The following PIK3R6 variants were observed in gnomAD, a reference collection of about 807,000 sequenced individuals.
The protein encoded by PIK3R6 is phosphoinositide 3-kinase regulatory subunit 6.
PIK3R6 carries 91 observed loss-of-function variants against 84.9 expected under a neutral mutation model. The ratio of observed to expected loss-of-function variants is 1.07; its 90% CI spans 0.90 to 1.28. The LOEUF is 1.28. Ranked by LOEUF, PIK3R6 falls within the 50% of genes most tolerant of loss-of-function variation. The pLI is 0.00. For synonymous variants in PIK3R6, 416 were observed against 411.4 expected (o/e 1.01, Z -0.13); for missense variants, 996 against 985.1 (o/e 1.01, Z -0.15).
chr17:8,826,231 TTTAGAACA>T (rs1457581101), intron 13 of PIK3R6, among the ~76,000 whole-genome samples: 1 of 152,214 alleles, frequency 6.6e-6, no homozygotes. Flanking sequence ...TGTGTAAGTG[TTTAGAACA>T]GTGCCCAGTG....
At chr17:8,849,729 CT>C in intron 2 of PIK3R6, 52 bp downstream of exon 2, 1 of 1,571,456 alleles carries the variant, frequency 6.4e-7, no homozygotes, top group Non-Finnish European at 8.6e-7. Context: ...TGAGAAGGGC[CT>C]TCCCCACTCG....
At chr17:8,831,427 T>A (rs2088238705) in intron 9 of PIK3R6, among the ~76,000 whole-genome samples, 1 of 150,426 alleles carries the variant, frequency 6.6e-6, no homozygotes. Flanking sequence ...TGGTCTTAAT[T>A]AATCCATGCA....
intron 7 of PIK3R6, 62 bp from the exon 8 acceptor site, chr17:8,835,518 G>A (rs1019953591): frequency 2.0e-5 from 28 of 1,395,226 alleles, no homozygotes; most frequent in Middle Eastern, 1.9e-4. Context: ...AGGGGCCACC[G>A]GATGGGCACC....
At position 8,804,690 on chromosome 17, in the gene PIK3R6, G is replaced by A. The variant is rs186818359; in HGVS notation, c.1996-537C>T. 1.5e-3 allele frequency among the ~76,000 whole-genome samples: 235 copies of A among 152,316 alleles called. 2 individuals carry two copies. Among genetic ancestry groups the A allele is most frequent in the Admixed American group, 3.3e-3 (51 of 15,304 alleles). ...CATCCTTATAACTCCTGACCTGAGG[G>A]AGCAGCTCCAGAGAGGTCGCCTCCC... is the stretch of plus-strand genomic sequence containing the variant. On this transcript the variant is annotated intron_variant, in intron 18 of 19. Transcript: ENST00000619866.
At position 8,828,918 on chromosome 17, in the gene PIK3R6, A is replaced by G. The variant is rs200028186; in HGVS notation, c.962T>C (p.Leu321Pro). 362 of 1,538,256 alleles carry G rather than the reference A, an allele frequency of 2.4e-4. No homozygotes were observed. The highest frequency in any genetic ancestry group is 3.0e-4 in the Non-Finnish European group (338 of 1,143,640). Residue 321 changes from leucine to proline, a missense_variant, in exon 11 of 20, where the codon CTG (leucine) becomes CCG (proline). Coordinates refer to ENST00000619866, the MANE Select transcript of PIK3R6 (RefSeq NM_001010855.4). ...CTCCCGGTCCGGCCGGAGGCCCTGCAGATCCAAGACCTCCAAGTCAGCACT... is the reference window on the plus strand; with the variant it reads ...CTCCCGGTCCGGCCGGAGGCCCTGCGGATCCAAGACCTCCAAGTCAGCACT... ...RLSADLEVLD[L>P]QGLRPDRELA...
intron 18 of PIK3R6, among the ~76,000 whole-genome samples, chr17:8,813,022 G>A (rs1479105191): frequency 6.6e-6 from 1 of 152,076 alleles, no homozygotes; most frequent in Non-Finnish European, 1.5e-5. Flanking sequence ...AAAAAAGAGA[G>A]AAGAATCAAA....
At chr17:8,825,497 G>A (rs1237752252) in intron 13 of PIK3R6, among the ~76,000 whole-genome samples, 1 of 152,186 alleles carries the variant, frequency 6.6e-6, no homozygotes, top group Non-Finnish European at 1.5e-5. Context: ...ACAAGCACAT[G>A]TAAGGATCAC....
At chr17:8,805,550 A>G (rs2087178779) in intron 18 of PIK3R6, among the ~76,000 whole-genome samples, 2 of 152,200 alleles carry the variant, frequency 1.3e-5, no homozygotes, top group Non-Finnish European at 2.9e-5. Flanking sequence ...AAACCTCTGT[A>G]AGACGGGGCA....
intron 1 of PIK3R6, among the ~76,000 whole-genome samples, chr17:8,865,412 G>A (rs1171879647): frequency 6.6e-6 from 1 of 152,152 alleles, no homozygotes; most frequent in Non-Finnish European, 1.5e-5. Flanking sequence ...ATAAAGCCCT[G>A]GCAGAAAAGA....
intron 13 of PIK3R6, among the ~76,000 whole-genome samples, chr17:8,824,970 A>G (rs35077157): frequency 0.09 from 13,709 of 152,288 alleles, 704 homozygotes; most frequent in Middle Eastern, 0.15. Context: ...TGGTAAATTA[A>G]TGTTATATTT....
At chr17:8,835,656 C>G (rs1163212298) in intron 7 of PIK3R6, among the ~76,000 whole-genome samples, 200 bp from the exon 8 acceptor site, 1 of 152,094 alleles carries the variant, frequency 6.6e-6, no homozygotes, top group Non-Finnish European at 1.5e-5. Context: ...CATGCACAGC[C>G]CTTCTAGAGG....
Position 8,839,980 on chromosome 17 carries a change from C to A in PIK3R6, c.14-283G>T, listed in dbSNP as rs905782713. Among the ~76,000 whole-genome samples the A allele has an allele frequency of 2.6e-5, 4 of 151,976 alleles. No homozygotes were observed. Among genetic ancestry groups the A allele is most frequent in the Non-Finnish European group, 5.9e-5 (4 of 68,028 alleles). On this transcript the variant is annotated intron_variant, in intron 2 of 19. Coordinates refer to ENST00000619866, the MANE Select transcript of PIK3R6 (RefSeq NM_001010855.4). The surrounding 1 kb of genome is among the most constrained non-coding windows in gnomAD (Gnocchi z 4.2). ...GGTGGTACACAAACGACCTTAAAAT[C>A]TGAATAGTTATGCATTTATTTTAAT...
At chr17:8,836,113 G>A (rs1282263232) in intron 7 of PIK3R6, among the ~76,000 whole-genome samples, 1 of 152,182 alleles carries the variant, frequency 6.6e-6, no homozygotes, top group African/African-American at 2.4e-5. Context: ...TAAGAGGCTT[G>A]GCGTCCCCCA....
intron 18 of PIK3R6, among the ~76,000 whole-genome samples, chr17:8,812,832 T>C (rs195775): frequency 0.1 from 15,264 of 152,112 alleles, 1,105 homozygotes; most frequent in Non-Finnish European, 0.16. Context: ...TAATGTTGCA[T>C]GTCAAGGAAC....
chr17:8,829,468 T>C (rs1206944894), intron 10 of PIK3R6, among the ~76,000 whole-genome samples: 2 of 117,528 alleles, frequency 1.7e-5, no homozygotes, highest in East Asian at 4.9e-4. Flanking sequence ...ACACATACAC[T>C]GACACACACT....
chr17:8,823,479 A>G lies in PIK3R6; in HGVS notation c.1534T>C (p.Ser512Pro). ...LAEMPPSLDTSRTVDPFILDV... is the reference protein window; with the variant it reads ...LAEMPPSLDTPRTVDPFILDV... ...AGGATGAAGGGGTCCACAGTCCGGG[A>G]TGTGTCCAGGGAAGGAGGCTGTGAT... The change falls in exon 14 of 20, where the codon TCC becomes CCC. Residue 512 changes from serine to proline, a missense_variant. By Grantham distance (74) the Ser-to-Pro change is moderately conservative. Coordinates refer to ENST00000619866, the MANE Select transcript of PIK3R6 (RefSeq NM_001010855.4). The G allele has an allele frequency of 6.2e-7, 1 of 1,611,820 alleles. No homozygotes were observed. Among genetic ancestry groups the G allele is most frequent in the South Asian group, 1.1e-5 (1 of 90,904 alleles).
rs76979101 is a variant in PIK3R6 at position 8,825,040 on chromosome 17, A to G, written c.1516-1543T>C. Among the ~76,000 whole-genome samples, 837 of 152,360 alleles carry G rather than the reference A, an allele frequency of 5.5e-3. 9 individuals are homozygous for G. Among genetic ancestry groups the G allele is most frequent in the African/African-American group, 0.019 (803 of 41,580 alleles). ...GTGTATAAGTCAATAGCTTTCTTTT[A>G]TATTAGCAGCAGGCACTACCCAAAT... On this transcript the variant is annotated intron_variant, in intron 13 of 19. Coordinates refer to ENST00000619866, the MANE Select transcript of PIK3R6 (RefSeq NM_001010855.4).
Position 8,803,281 on chromosome 17 carries a change from C to T in PIK3R6, c.2257G>A (p.Val753Ile), listed in dbSNP as rs1255692766. 1 of 1,612,508 alleles carries T rather than the reference C, an allele frequency of 6.2e-7. No individual in the cohort carries two copies. The highest frequency in any genetic ancestry group is 1.7e-5 in the Admixed American group (1 of 60,034). Residue 753 changes from valine (V) to isoleucine (I), a missense_variant, in exon 20 of 20, where the codon GTC becomes ATC. Transcript: ENST00000619866. This position sits in a 1 kb window ranked among gnomAD's most constrained non-coding sequence, Gnocchi z 5.0. ...LMPINTFSGI[V>I]Q ...CTGCTGTCCCTGCAGGCTCACTGGA[C>T]AATACCAGAGAATGTGTTGATGGGC... is the stretch of plus-strand genomic sequence containing the variant.
chr17:8,839,692 C>A lies in PIK3R6; in HGVS notation c.19G>T (p.Glu7Ter), dbSNP rs1399654475. 16 of 1,571,366 alleles carry A rather than the reference C, an allele frequency of 1.0e-5. No individual in the cohort carries two copies. The Middle Eastern group carries it at 5.0e-4, about 49-fold the overall frequency. The change falls in exon 3 of 20, where the codon GAG becomes TAG. Residue 7 changes from glutamate (E) to a stop codon, truncating the protein, a stop_gained. Transcript: ENST00000619866. LOFTEE classifies it high-confidence loss of function. The surrounding 1 kb of genome is among the most constrained non-coding windows in gnomAD (Gnocchi z 4.2). MESSDVELDLQRSVQAV... is the reference protein window; with the variant it reads MESSDV ...TGCACGCTCCTCTGGAGGTCCAGCT[C>A]CACATCTGGGCAGTGGTAGGGGTGG...
Sources: gnomAD v4.1 joint callset for allele counts (sites outside exome capture counted in the v4.1 genomes callset) on GRCh38, gnomAD v4.1.1 for gene constraint, Gnocchi (gnomAD v3.1) non-coding constraint, MANE v1.5 for transcripts, NCBI Gene and HGNC (gene_info 2026-07-23, HGNC 2026-07-21) for gene names.